The following FLI1 variants were observed in gnomAD, a reference collection of about 807,000 sequenced individuals.
FLI1 encodes Friend leukemia integration 1 transcription factor.
A neutral mutation model predicts 53.1 loss-of-function variants in FLI1; 13 were observed. The ratio of observed to expected loss-of-function variants is 0.24; its 90% CI spans 0.16 to 0.39. FLI1 has a LOEUF of 0.39. FLI1 is among the 10% of genes least tolerant of loss of function. FLI1 has a pLI of 1.00. For missense variants in FLI1, 424 were observed against 600.5 expected (o/e 0.71, Z 3.07); for synonymous variants, 244 against 236.7 (o/e 1.03, Z -0.28).
Position 128,811,706 on chromosome 11 carries a change from T to C in FLI1, c.*718T>C, listed in dbSNP as rs529222932. ...TAAATTACTAATTTTTTTTTTTTTT[T>C]AAATGATGACAGTGGTCCCAGAACT... On this transcript the variant is annotated 3_prime_UTR_variant, in exon 9 of 9. Coordinates refer to ENST00000527786, the MANE Select transcript of FLI1 (RefSeq NM_002017.5). 2 of 198,062 alleles carry C rather than the reference T, an allele frequency of 1.0e-5. No homozygotes were observed. The highest frequency in any genetic ancestry group is 1.6e-4 in the East Asian group (2 of 12,726). 12.3% of individuals were successfully genotyped at this position (198,062 alleles called of 1,614,324 possible). A position where few individuals can be genotyped will look rare whatever the true frequency, so the allele number is the denominator to read the frequency against.
chr11:128,742,989 CT>C (rs1940203066), intron 1 of FLI1, among the ~76,000 whole-genome samples: 1 of 152,152 alleles, frequency 6.6e-6, no homozygotes, highest in African/African-American at 2.4e-5. Flanking sequence ...AGAAGGTTGG[CT>C]TCACTGGCTT....
chr11:128,688,111 G>A lies in FLI1; in HGVS notation c.-203+1410G>A, dbSNP rs528561260. ...CACTTCTAGCTCTGCACTGAGGATT[G>A]TAAATGGCCCCGGGGAGGGGAGCTG... On this transcript the variant is annotated intron_variant, in intron 1 of 6. Transcript: ENST00000344954. Among the ~76,000 whole-genome samples, 167 of 152,240 alleles carry A rather than the reference G, an allele frequency of 1.1e-3. 2 individuals are homozygous for A. The highest frequency in any genetic ancestry group is 3.8e-3 in the African/African-American group (159 of 41,550).
At chr11:128,712,742 C>T (rs115975500) in intron 1 of FLI1, among the ~76,000 whole-genome samples, 2,973 of 152,276 alleles carry the variant, frequency 0.02, 77 homozygotes, top group African/African-American at 0.067. Context: ...CCAGGTCCCT[C>T]CCGCAACATG....
intron 1 of FLI1, among the ~76,000 whole-genome samples, chr11:128,750,236 A>T (rs1325701159): frequency 6.6e-6 from 1 of 152,118 alleles, no homozygotes; most frequent in Non-Finnish European, 1.5e-5. Flanking sequence ...GTTGCTTTTG[A>T]CATTCCTTTC....
intron 5 of FLI1, among the ~76,000 whole-genome samples, chr11:128,798,683 C>T (rs934667578): frequency 2.0e-5 from 3 of 152,102 alleles, no homozygotes; most frequent in African/African-American, 7.2e-5. Context: ...AAAGCGTTCC[C>T]TGGATATTTT....
intron 1 of FLI1, among the ~76,000 whole-genome samples, chr11:128,733,089 A>C (rs1219400387): frequency 6.6e-6 from 1 of 152,232 alleles, no homozygotes; most frequent in African/African-American, 2.4e-5. Context: ...AGAGCCTTGA[A>C]TATACTAATG....
At chr11:128,689,397 T>C (rs1257816185), upstream of FLI1, among the ~76,000 whole-genome samples, 1 of 152,082 alleles carries the variant, frequency 6.6e-6, no homozygotes, top group Non-Finnish European at 1.5e-5. Context: ...CTCCTTTTTT[T>C]CTCCTTGTGT....
chr11:128,746,841 G>T (rs1940412117), intron 1 of FLI1, among the ~76,000 whole-genome samples: 2 of 152,172 alleles, frequency 1.3e-5, no homozygotes, highest in Admixed American at 1.3e-4. Context: ...CAGGAGCTGG[G>T]AGATTAAGTA....
chr11:128,780,459 G>A (rs1473054144), intron 4 of FLI1, among the ~76,000 whole-genome samples: 1 of 152,216 alleles, frequency 6.6e-6, no homozygotes, highest in African/African-American at 2.4e-5. Context: ...GCCGAGCATG[G>A]TGGCACATGC....
chr11:128,702,485 G>A (rs908838942), intron 1 of FLI1, among the ~76,000 whole-genome samples: 1 of 152,180 alleles, frequency 6.6e-6, no homozygotes, highest in Non-Finnish European at 1.5e-5. Flanking sequence ...TTACTGTAAG[G>A]ATATTTTTGG....
chr11:128,755,426 C>T (rs1478633734), intron 1 of FLI1, among the ~76,000 whole-genome samples: 3 of 152,220 alleles, frequency 2.0e-5, no homozygotes, highest in Non-Finnish European at 4.4e-5. Context: ...ATGTTCTTCA[C>T]TCTTATCACC....
At chr11:128,736,028 G>A (rs1180843936) in intron 1 of FLI1, among the ~76,000 whole-genome samples, 1 of 152,056 alleles carries the variant, frequency 6.6e-6, no homozygotes, top group African/African-American at 2.4e-5. Flanking sequence ...TCATCTTTAG[G>A]CAGAGATTCC....
chr11:128,767,490 CCCTTGCTGTG>C (rs1415369415), intron 2 of FLI1, among the ~76,000 whole-genome samples: 1 of 152,220 alleles, frequency 6.6e-6, no homozygotes, highest in Non-Finnish European at 1.5e-5. Flanking sequence ...GAGATAGTAA[CCCTTGCTGTG>C]CCTATCCTGG....
chr11:128,691,017 A>G (rs1209711560), upstream of FLI1, among the ~76,000 whole-genome samples: 1 of 152,120 alleles, frequency 6.6e-6, no homozygotes, highest in Non-Finnish European at 1.5e-5. Flanking sequence ...CCCAGAGACT[A>G]AGGAAAGAGG....
intron 1 of FLI1, among the ~76,000 whole-genome samples, chr11:128,757,462 C>A (rs1301798613): frequency 2.0e-5 from 3 of 152,172 alleles, no homozygotes; most frequent in Non-Finnish European, 4.4e-5. Flanking sequence ...CTCAGCAAAC[C>A]ACTGAGCATT....
chr11:128,778,737 C>T (rs574098596), intron 4 of FLI1, among the ~76,000 whole-genome samples: 4 of 152,320 alleles, frequency 2.6e-5, no homozygotes, highest in South Asian at 2.1e-4. Context: ...GTGCTGGCAT[C>T]GGGAAGGTGG....
chr11:128,757,664 C>T lies in FLI1; in HGVS notation c.19-451C>T, dbSNP rs142310302. The stretch of plus-strand genomic sequence containing the variant: ...CTCTGGGTGGATCTCACTGGCCTTG[C>T]CTGGAAAATAAATGCTGGATCTCAT... On this transcript the variant is annotated intron_variant, in intron 1 of 8. Coordinates refer to ENST00000527786, the MANE Select transcript of FLI1 (RefSeq NM_002017.5). Among the ~76,000 whole-genome samples the T allele has an allele frequency of 3.8e-3, 586 of 152,292 alleles. 1 individual carries two copies. The highest frequency in any genetic ancestry group is 0.013 in the African/African-American group (550 of 41,562).
chr11:128,689,629 G>A (rs892231056), upstream of FLI1, among the ~76,000 whole-genome samples: 1 of 152,204 alleles, frequency 6.6e-6, no homozygotes, highest in South Asian at 2.1e-4. Flanking sequence ...TGCTGTTTGG[G>A]GCGGCTGGGA....
At chr11:128,751,358 CTT>C (rs55904040) in intron 1 of FLI1, among the ~76,000 whole-genome samples, 63 of 142,590 alleles carry the variant, frequency 4.4e-4, no homozygotes, top group Non-Finnish European at 6.8e-4. Flanking sequence ...TTTTTTTTAA[CTT>C]TTTTTTTTTT....
Sources: allele counts gnomAD v4.1 joint callset (sites outside exome capture counted in the v4.1 genomes callset), GRCh38; gene constraint gnomAD v4.1.1; transcripts MANE v1.5; gene names NCBI Gene and HGNC (gene_info 2026-07-23, HGNC 2026-07-21).